PMM2: variants seen among roughly 807,000 people sequenced by gnomAD.
PMM2 encodes phosphomannomutase 2.
A neutral mutation model predicts 33.2 loss-of-function variants in PMM2; 35 were observed. The observed-to-expected ratio is 1.06, with a 90% CI of 0.81 to 1.40. The LOEUF (loss-of-function observed/expected upper bound fraction) is 1.40, where lower values mean the gene tolerates loss of function less well. Ranked by LOEUF, PMM2 falls within the 40% of genes most tolerant of loss-of-function variation. PMM2 has a pLI of 0.00. For missense variants in PMM2, 386 were observed against 306.0 expected, an observed-to-expected ratio of 1.26 and a Z score of -1.95; for synonymous variants, 153 against 114.7, an observed-to-expected ratio of 1.33 and a Z score of -2.13.
intron 7 of PMM2, among the ~76,000 whole-genome samples, chr16:8,822,276 C>G (rs958114807): frequency 2.6e-5 from 4 of 152,144 alleles, no homozygotes; most frequent in African/African-American, 9.7e-5. Context: ...TGTGTGGCAT[C>G]AGATACTGCA....
intron 1 of PMM2, 37 bp downstream of exon 1, chr16:8,797,985 G>C (rs1821688346): frequency 6.4e-7 from 1 of 1,565,818 alleles, no homozygotes. Context: ...CAGCCGACGC[G>C]GAGCCCGTGC....
chr16:8,818,877 G>C (rs979751119), intron 7 of PMM2, among the ~76,000 whole-genome samples: 1 of 149,652 alleles, frequency 6.7e-6, no homozygotes, highest in Non-Finnish European at 1.5e-5. Flanking sequence ...TGCAGAGAGA[G>C]AGAGACGGCA....
At chr16:8,838,015 G>A (rs1437568647) in intron 7 of PMM2, among the ~76,000 whole-genome samples, 1 of 152,154 alleles carries the variant, frequency 6.6e-6, no homozygotes, top group Non-Finnish European at 1.5e-5. Flanking sequence ...GGCTTTGTGT[G>A]AGCAACATGG....
chr16:8,798,187 C>T (rs906368604), intron 1 of PMM2, among the ~76,000 whole-genome samples: 4 of 152,228 alleles, frequency 2.6e-5, no homozygotes, highest in African/African-American at 9.6e-5. Flanking sequence ...GAGCAGGAAA[C>T]TTGTGCTAGG....
chr16:8,809,785 CTTT>C (rs138521340), intron 4 of PMM2: 24,241 of 151,814 alleles, frequency 0.16, 2,411 homozygotes, highest in South Asian at 0.32. Context: ...GAAAAAAACT[CTTT>C]GTTTTTTGTT....
chr16:8,810,734 G>A (rs56060427), intron 4 of PMM2: 4,648 of 362,210 alleles, frequency 0.013, 41 homozygotes, highest in Non-Finnish European at 0.021. Context: ...GCATAACCAT[G>A]CCAGGCTATT....
At chr16:8,833,599 C>A (rs3969468) in intron 7 of PMM2, among the ~76,000 whole-genome samples, 3 of 151,096 alleles carry the variant, frequency 2.0e-5, no homozygotes, top group Admixed American at 6.6e-5. Flanking sequence ...GGATTAGGGG[C>A]GGCGTGGGAA....
At chr16:8,847,392 A>AAAC (rs2060933754) in intron 7 of PMM2, among the ~76,000 whole-genome samples, 1 of 151,456 alleles carries the variant, frequency 6.6e-6, no homozygotes, top group Non-Finnish European at 1.5e-5. Context: ...AAAAAAAAAA[A>AAAC]ACTGATGGCT....
chr16:8,811,818 C>T (rs923465997), intron 6 of PMM2, 105 bp downstream of exon 6: 1 of 819,220 alleles, frequency 1.2e-6, no homozygotes, highest in African/African-American at 1.7e-5. Flanking sequence ...TTTAGGTGGG[C>T]AGGAAGATTA....
intron 4 of PMM2, chr16:8,810,798 T>C (rs1004879867): frequency 2.2e-6 from 1 of 456,830 alleles, no homozygotes. Context: ...GCTCAAAATA[T>C]GAGCATTTTA....
chr16:8,824,474 T>G (rs2060755116), intron 7 of PMM2, among the ~76,000 whole-genome samples: 1 of 152,220 alleles, frequency 6.6e-6, no homozygotes, highest in African/African-American at 2.4e-5. Flanking sequence ...TTATTACTCA[T>G]AACATATACT....
intron 5 of PMM2, 33 bp downstream of exon 5, chr16:8,811,211 C>G: frequency 7.4e-7 from 1 of 1,346,556 alleles, no homozygotes; most frequent in Non-Finnish European, 1.0e-6. Flanking sequence ...TGGTGAATGG[C>G]TGGGTTTATG....
At chr16:8,844,152 G>A (rs1176230060) in intron 7 of PMM2, among the ~76,000 whole-genome samples, 2 of 152,146 alleles carry the variant, frequency 1.3e-5, no homozygotes, top group African/African-American at 4.8e-5. Context: ...AGTTTGTATT[G>A]GGGTCAAGCG....
Position 8,847,721 on chromosome 16 carries a change from C to T in PMM2, c.640-3C>T, listed in dbSNP as rs1480637246. On this transcript the variant is annotated splice_region_variant and splice_polypyrimidine_tract_variant and intron_variant, in intron 7 of 7. Transcript: ENST00000268261. ...CCTTCATCTGTACTTCGTGTCTTTCCAGGGTGGCAATGACCATGAGATCTT... is the reference window on the plus strand; with the variant it reads ...CCTTCATCTGTACTTCGTGTCTTTCTAGGGTGGCAATGACCATGAGATCTT... The T allele has an allele frequency of 2.5e-6, 4 of 1,609,974 alleles. No individual in the cohort carries two copies. The highest frequency in any genetic ancestry group is 1.7e-6 in the Non-Finnish European group (2 of 1,176,446).
At chr16:8,821,911 C>G (rs183897429) in intron 7 of PMM2, among the ~76,000 whole-genome samples, 1 of 152,262 alleles carries the variant, frequency 6.6e-6, no homozygotes, top group South Asian at 2.1e-4. Flanking sequence ...TACTGCTCTA[C>G]GCCATTTCAG....
At chr16:8,835,613 T>C (rs1194620381) in intron 7 of PMM2, among the ~76,000 whole-genome samples, 2 of 152,082 alleles carry the variant, frequency 1.3e-5, no homozygotes, top group Non-Finnish European at 2.9e-5. Context: ...ATTTGGTTGA[T>C]AACGCGCAGA....
At position 8,804,321 on chromosome 16, in the gene PMM2, T is replaced by C. The variant is rs918441469; in HGVS notation, c.179-446T>C. On this transcript the variant is annotated intron_variant, in intron 2 of 7. Coordinates refer to ENST00000268261, the MANE Select transcript of PMM2 (RefSeq NM_000303.3). ...CCTCCCAAAGTGCTGGGATTACAGGTGTGAGCCACACCGCACCCGACCCAA... is the reference window on the plus strand; with the variant it reads ...CCTCCCAAAGTGCTGGGATTACAGGCGTGAGCCACACCGCACCCGACCCAA... Among the ~76,000 whole-genome samples the C allele has an allele frequency of 1.8e-4, 27 of 151,966 alleles. 1 individual carries two copies. The highest frequency in any genetic ancestry group is 6.3e-4 in the African/African-American group (26 of 41,368).
At chr16:8,818,819 G>T (rs569122196) in intron 7 of PMM2, among the ~76,000 whole-genome samples, 19 of 152,346 alleles carry the variant, frequency 1.2e-4, no homozygotes, top group Admixed American at 9.8e-4. Context: ...ATCTGGCTCT[G>T]AGTTCAGCAT....
In PMM2 at chr16:8,797,864, G is replaced by T. The variant is rs745838978; in HGVS notation, c.-19G>T. The T allele has an allele frequency of 1.9e-6, 3 of 1,610,302 alleles. No individual in the cohort carries two copies. The highest frequency in any genetic ancestry group is 1.3e-5 in the African/African-American group (1 of 74,994). ...CTCGTGCCAACGTGTCTTGTAAGGT[G>T]CGGCTAGAAACTGGGGACATGGCAG... On this transcript the variant is annotated 5_prime_UTR_variant, in exon 1 of 8. Coordinates refer to ENST00000268261, the MANE Select transcript of PMM2 (RefSeq NM_000303.3).
Sources: gnomAD v4.1 joint callset for allele counts (sites outside exome capture counted in the v4.1 genomes callset) on GRCh38, gnomAD v4.1.1 for gene constraint, MANE v1.5 for transcripts, NCBI Gene and HGNC (gene_info 2026-07-23, HGNC 2026-07-21) for gene names.